FAT1: variants seen among roughly 807,000 people sequenced by gnomAD.
FAT1 encodes the protein protocadherin Fat 1.
A neutral mutation model predicts 329.8 loss-of-function variants in FAT1; 171 were observed. The ratio of observed to expected loss-of-function variants is 0.52; its 90% CI spans 0.46 to 0.59. FAT1 has a LOEUF of 0.59. FAT1 is among the 20% of genes least tolerant of loss of function. The pLI is 0.00. For synonymous variants in FAT1, 2,233 were observed against 2,228.6 expected, an observed-to-expected ratio of 1.00 and a Z score of -0.06; for missense variants, 5,672 against 5,774.4, an observed-to-expected ratio of 0.98 and a Z score of 0.57.
chr4:186,721,170 T>C (rs907431510), intron 1 of FAT1, among the ~76,000 whole-genome samples: 1 of 152,246 alleles, frequency 6.6e-6, no homozygotes, highest in African/African-American at 2.4e-5. Flanking sequence ...TATAGACTTA[T>C]CTTCACATAC....
chr4:186,656,017 G>C (rs796107331), intron 3 of FAT1, among the ~76,000 whole-genome samples: 4 of 152,370 alleles, frequency 2.6e-5, no homozygotes, highest in African/African-American at 9.6e-5. Context: ...CGCCACTGAA[G>C]GTGGCAAAGG....
chr4:186,628,461 T>C lies in FAT1; in HGVS notation c.4599+27A>G, dbSNP rs1377276041. ...ACACAAAGGCCTCAGGACCAAATGG[T>C]GGGAGGAGAGCGGGTAGAGCGCCTA... On this transcript the variant is annotated intron_variant, in intron 8 of 26. Coordinates refer to ENST00000441802, the MANE Select transcript of FAT1 (RefSeq NM_005245.4). The C allele has an allele frequency of 2.5e-6, 4 of 1,612,842 alleles. No homozygotes were observed. In the African/African-American group the frequency reaches 4.0e-5, roughly 16 times the overall value.
At position 186,707,206 on chromosome 4, in the gene FAT1, C is replaced by A. The variant is rs139157199; in HGVS notation, c.2622G>T (p.Thr874=). The change falls in exon 2 of 27, where the codon ACG becomes ACT. Residue 874 remains threonine (T), a synonymous_variant. Coordinates refer to ENST00000441802, the MANE Select transcript of FAT1 (RefSeq NM_005245.4). ...DTDTFSIDSV[T]GVVNIARPLD... ...GAGGGCGTGCGATGTTAACAACACCCGTCACGCTGTCAATTGAAAATGTGT... is the reference window on the plus strand; with the variant it reads ...GAGGGCGTGCGATGTTAACAACACCAGTCACGCTGTCAATTGAAAATGTGT... 1 of 1,613,914 alleles carries A rather than the reference C, an allele frequency of 6.2e-7. No individual in the cohort carries two copies. Among genetic ancestry groups the A allele is most frequent in the East Asian group, 2.2e-5 (1 of 44,862 alleles).
intron 2 of FAT1, among the ~76,000 whole-genome samples, chr4:186,679,869 T>C (rs1314701685): frequency 1.3e-5 from 2 of 152,226 alleles, no homozygotes; most frequent in Non-Finnish European, 2.9e-5. Flanking sequence ...TGGTTTGCTG[T>C]AGCAGGCTAT....
chr4:186,613,974 A>G (rs1350814111), intron 12 of FAT1, among the ~76,000 whole-genome samples: 1 of 152,128 alleles, frequency 6.6e-6, no homozygotes, highest in Non-Finnish European at 1.5e-5. Flanking sequence ...TCCTTTTTTC[A>G]ATTAGGTGAT....
chr4:186,618,210 A>G lies in FAT1; in HGVS notation c.8376T>C (p.Ser2792=), dbSNP rs767400852. 43 of 1,613,924 alleles carry G rather than the reference A, an allele frequency of 2.7e-5. No individual in the cohort carries two copies. The South Asian group carries it at 4.6e-4, about 17-fold the overall frequency. ...CTTTCACTTGGATACTAACATCTACAGAAGCCACCATCTCATGGTCATCTT... is the reference window on the plus strand; with the variant it reads ...CTTTCACTTGGATACTAACATCTACGGAAGCCACCATCTCATGGTCATCTT... ...CTQDDHEMVA[S]VDVSIQVKDA... The change falls in exon 10 of 27, where the codon TCT becomes TCC. Residue 2792 remains serine, a synonymous_variant. Transcript: ENST00000441802.
chr4:186,613,178 T>C lies in FAT1; in HGVS notation c.9394A>G (p.Ile3132Val). 1.9e-6 allele frequency: 3 copies of C among 1,613,910 alleles called. No individual in the cohort carries two copies. The highest frequency in any genetic ancestry group is 2.2e-5 in the South Asian group (2 of 91,080). ...APEFSADPYA[I>V]TVFENTEPGT... ...GGCTCTGTGTTTTCAAACACGGTGA[T>C]GGCATAAGGATCGGCAGAGAATTCG... The change falls in exon 13 of 27, where the codon ATC (isoleucine) becomes GTC (valine). Residue 3132 changes from isoleucine to valine, a missense_variant. By Grantham distance (29) the Ile-to-Val change is conservative (BLOSUM62 3). Around this residue, in one of 2 missense-constraint regions of FAT1, gnomAD observed 3,966 missense variants for 3,915.2 expected, o/e 1.01. Coordinates refer to ENST00000441802, the MANE Select transcript of FAT1 (RefSeq NM_005245.4).
At chr4:186,653,934 G>T (rs1741783681) in intron 3 of FAT1, among the ~76,000 whole-genome samples, 1 of 152,098 alleles carries the variant, frequency 6.6e-6, no homozygotes. Flanking sequence ...TTACTTAAAA[G>T]TTTCCCATTT....
rs1423701159 is a variant in FAT1, at chr4:186,707,737, T to A, written c.2091A>T (p.Gly697=). 2 of 1,613,634 alleles carry A rather than the reference T, an allele frequency of 1.2e-6. No homozygotes were observed. The highest frequency in any genetic ancestry group is 2.7e-5 in the African/African-American group (2 of 74,908). Residue 697 remains glycine, a synonymous_variant, in exon 2 of 27, where the codon GGA becomes GGT. Transcript: ENST00000441802. The stretch of plus-strand genomic sequence containing the variant: ...AATCGAAGAAAATATCCTCCACCTC[T>A]CCCTGGTTGTGTAATTTATTTGCCT... ...LLQANKLHNQ[G]EVEDIFFDSH... is the part of the protein sequence containing the mutation.
chr4:186,596,796 C>G lies in FAT1; in HGVS notation c.12744G>C (p.Gln4248His), dbSNP rs1022958608. The G allele has an allele frequency of 6.2e-7, 1 of 1,613,990 alleles. No homozygotes were observed. The highest frequency in any genetic ancestry group is 8.5e-7 in the Non-Finnish European group (1 of 1,179,888). ...NKNIYSDIPP[Q>H]VPVRPISYTP... The stretch of plus-strand genomic sequence containing the variant: ...TGTAGGAAATAGGCCGGACAGGCAC[C>G]TGGGGTGGTATGTCTGAGTAAATGT... The change falls in exon 25 of 27, where the codon CAG becomes CAC. Residue 4248 changes from glutamine (Q) to histidine (H), a missense_variant. Physicochemically the swap from Gln to His is conservative, Grantham distance 24. Coordinates refer to ENST00000441802, the MANE Select transcript of FAT1 (RefSeq NM_005245.4). The surrounding 1 kb of genome is among the most constrained non-coding windows in gnomAD (Gnocchi z 4.7).
chr4:186,719,392 C>T (rs1721862210), intron 1 of FAT1, among the ~76,000 whole-genome samples: 1 of 152,158 alleles, frequency 6.6e-6, no homozygotes, highest in African/African-American at 2.4e-5. Context: ...ATAAATAGTA[C>T]CCCATTTTAT....
Position 186,621,627 on chromosome 4 carries a change from C to T in FAT1, c.4959G>A (p.Val1653=), listed in dbSNP as rs553956149. The T allele has an allele frequency of 2.5e-5, 40 of 1,613,994 alleles. No homozygotes were observed. In the East Asian group the frequency reaches 8.2e-4, roughly 33 times the overall value. The stretch of plus-strand genomic sequence containing the variant: ...TGTCAGCAATTGTGACAAAGATACG[C>T]ACAGAAGTTATTTCACTCATTGGTG... ...GSPPMSEITS[V]RIFVTIADNA... Residue 1653 remains valine, a synonymous_variant, in exon 10 of 27, where the codon GTG becomes GTA. Coordinates refer to ENST00000441802, the MANE Select transcript of FAT1 (RefSeq NM_005245.4).
chr4:186,671,133 T>C (rs1215377394), intron 2 of FAT1, among the ~76,000 whole-genome samples: 1 of 152,166 alleles, frequency 6.6e-6, no homozygotes, highest in Non-Finnish European at 1.5e-5. Context: ...AAAAACTTTT[T>C]TGAACTTACC....
intron 3 of FAT1, among the ~76,000 whole-genome samples, chr4:186,646,810 A>G (rs1279464156): frequency 6.6e-6 from 1 of 151,800 alleles, no homozygotes; most frequent in Non-Finnish European, 1.5e-5. Context: ...GTTCTCTGCT[A>G]TGAGTCTCCA....
At chr4:186,634,971 C>A (rs140118025) in intron 6 of FAT1, among the ~76,000 whole-genome samples, 2 of 152,240 alleles carry the variant, frequency 1.3e-5, no homozygotes. Flanking sequence ...AGCAAACAAA[C>A]GGTTTTGAGC....
At chr4:186,613,773 A>G (rs1739576516) in intron 12 of FAT1, among the ~76,000 whole-genome samples, 1 of 152,254 alleles carries the variant, frequency 6.6e-6, no homozygotes, top group South Asian at 2.1e-4. Context: ...ATTTTAAAAT[A>G]AATAAAATCC....
At position 186,619,391 on chromosome 4, in the gene FAT1, T is replaced by TA; in HGVS notation, c.7194_7195insT (p.Ile2399TyrfsTer2). On this transcript the variant is annotated frameshift_variant, in exon 10 of 27. Coordinates refer to ENST00000441802, the MANE Select transcript of FAT1 (RefSeq NM_005245.4). LOFTEE classifies it high-confidence loss of function. ...TGCCCATGAGGGGCGTGCTCGCTAATTCTGGCTTCATAAATCTGTTGTTCA... is the reference window on the plus strand; with the variant it reads ...TGCCCATGAGGGGCGTGCTCGCTAATATCTGGCTTCATAAATCTGTTGTTCA... 1 of 1,614,034 alleles carries TA rather than the reference T, an allele frequency of 6.2e-7. No individual in the cohort carries two copies. Among genetic ancestry groups the TA allele is most frequent in the Non-Finnish European group, 8.5e-7 (1 of 1,179,886 alleles).
At chr4:186,669,119 G>T (rs1742609649) in intron 2 of FAT1, among the ~76,000 whole-genome samples, 1 of 152,156 alleles carries the variant, frequency 6.6e-6, no homozygotes, top group Non-Finnish European at 1.5e-5. Context: ...TCTCCCTCCT[G>T]TCTTCGGCAT....
chr4:186,704,476 C>CA (rs1316242121), intron 2 of FAT1, among the ~76,000 whole-genome samples: 1 of 152,014 alleles, frequency 6.6e-6, no homozygotes, highest in Non-Finnish European at 1.5e-5. Flanking sequence ...AGAAAAAACC[C>CA]AAAAGGCAGT....
Sources: gnomAD v4.1 joint callset for allele counts (sites outside exome capture counted in the v4.1 genomes callset) on GRCh38, gnomAD v4.1.1 for gene constraint, gnomAD v4.1.1 regional missense constraint, Gnocchi (gnomAD v3.1) non-coding constraint, MANE v1.5 for transcripts, NCBI Gene and HGNC (gene_info 2026-07-23, HGNC 2026-07-21) for gene names.